The following DPP10 variants were observed in gnomAD, a reference collection of about 807,000 sequenced individuals.
The protein encoded by DPP10 is inactive dipeptidyl peptidase 10.
DPP10 carries 33 observed loss-of-function variants against 120.9 expected under a neutral mutation model. The observed-to-expected ratio is 0.27, with a 90% confidence interval of 0.21 to 0.37. The LOEUF is 0.37. Ranked by LOEUF, DPP10 falls within the 10% of genes least tolerant of loss-of-function variation. The probability of loss-of-function intolerance (pLI) is 1.00; values close to 1 mark genes in which losing one functional copy is unlikely to be tolerated. For missense variants in DPP10, 816 were observed against 942.8 expected (o/e 0.87, Z 1.76); for synonymous variants, 337 against 326.1 (o/e 1.03, Z -0.36).
chr2:114,459,753 T>G (rs1321693419), intron 1 of DPP10, among the ~76,000 whole-genome samples: 1 of 152,218 alleles, frequency 6.6e-6, no homozygotes, highest in Non-Finnish European at 1.5e-5. Flanking sequence ...TCAATAGTTG[T>G]TTTTTATTTT....
intron 1 of DPP10, among the ~76,000 whole-genome samples, chr2:114,576,562 A>C (rs1160155502): frequency 6.6e-6 from 1 of 152,128 alleles, no homozygotes; most frequent in Non-Finnish European, 1.5e-5. Context: ...GGGACAAGGG[A>C]CTTTGAGTAA....
rs537841512 is a variant in DPP10 at position 115,300,161 on chromosome 2, G to A, written c.61-9078G>A. 1.6e-3 allele frequency among the ~76,000 whole-genome samples: 241 copies of A among 152,084 alleles called. 1 individual carries two copies. The highest frequency in any genetic ancestry group is 2.4e-3 in the Admixed American group (37 of 15,240). On this transcript the variant is annotated intron_variant, in intron 1 of 25. Transcript: ENST00000410059. ...TGCTGTGCAACCATCACCACCAGCC[G>A]TCTCTAGAACTTTTTTCATCTTATC...
intron 3 of DPP10, chr2:115,468,678 A>G (rs1376854374): frequency 8.4e-6 from 3 of 355,388 alleles, no homozygotes; most frequent in Admixed American, 3.5e-5. Context: ...TGAAGGATTA[A>G]AAAGGAAGAG....
chr2:115,082,592 GAGT>G (rs1471853246), intron 1 of DPP10, among the ~76,000 whole-genome samples: 1 of 152,170 alleles, frequency 6.6e-6, no homozygotes, highest in Non-Finnish European at 1.5e-5. Context: ...GATATAATCT[GAGT>G]AGTCTCAAGA....
chr2:114,526,326 T>C (rs914858038), intron 1 of DPP10, among the ~76,000 whole-genome samples: 9 of 152,174 alleles, frequency 5.9e-5, no homozygotes, highest in South Asian at 2.1e-4. Flanking sequence ...TTATTGACGA[T>C]TGGGGGATAA....
intron 1 of DPP10, among the ~76,000 whole-genome samples, chr2:114,715,751 A>G (rs939433102): frequency 1.4e-4 from 22 of 152,278 alleles, no homozygotes; most frequent in African/African-American, 5.1e-4. Flanking sequence ...ACACATCCAG[A>G]CATCACCTCC....
At chr2:114,625,228 C>T (rs961922931) in intron 1 of DPP10, among the ~76,000 whole-genome samples, 30 of 151,736 alleles carry the variant, frequency 2.0e-4, no homozygotes, top group African/African-American at 6.0e-4. Context: ...GTTGTGTGTC[C>T]GGCAGTTTCA....
chr2:114,632,601 G>A (rs947134990), intron 1 of DPP10, among the ~76,000 whole-genome samples: 5 of 141,616 alleles, frequency 3.5e-5, no homozygotes, highest in South Asian at 4.6e-4. Context: ...CAAGCTCTGC[G>A]TCCTGGGTTC....
At chr2:114,507,176 T>G (rs968103187) in intron 1 of DPP10, among the ~76,000 whole-genome samples, 2 of 151,578 alleles carry the variant, frequency 1.3e-5, no homozygotes, top group African/African-American at 2.4e-5. Flanking sequence ...GCCTCTCGAA[T>G]AGCTGAGACT....
At chr2:114,827,948 C>A (rs780979782) in intron 1 of DPP10, among the ~76,000 whole-genome samples, 13 of 152,150 alleles carry the variant, frequency 8.5e-5, no homozygotes, top group Non-Finnish European at 1.6e-4. Flanking sequence ...TAACAGAAAG[C>A]AGATTTTTAT....
chr2:114,731,378 T>G (rs113537746), intron 1 of DPP10, among the ~76,000 whole-genome samples: 8 of 152,144 alleles, frequency 5.3e-5, no homozygotes, highest in South Asian at 2.1e-4. Context: ...TAGTGTCATA[T>G]TTTTCTTTTA....
intron 1 of DPP10, among the ~76,000 whole-genome samples, chr2:115,283,945 T>G (rs183258767): frequency 5.5e-4 from 83 of 152,180 alleles, no homozygotes; most frequent in Non-Finnish European, 1.2e-4. Context: ...TGTAATATGC[T>G]ATACCATCTA....
At chr2:114,898,816 G>C (rs1038689265) in intron 1 of DPP10, among the ~76,000 whole-genome samples, 1 of 152,108 alleles carries the variant, frequency 6.6e-6, no homozygotes, top group Non-Finnish European at 1.5e-5. Context: ...TTCAAGAAAA[G>C]AACAGGGTTT....
chr2:114,847,105 C>T (rs1445758768), intron 1 of DPP10, among the ~76,000 whole-genome samples: 1 of 151,950 alleles, frequency 6.6e-6, no homozygotes, highest in African/African-American at 2.4e-5. Context: ...AACTCCTGGG[C>T]TCAAGGGATC....
chr2:114,741,677 C>A (rs1678078354), intron 1 of DPP10, among the ~76,000 whole-genome samples: 1 of 152,026 alleles, frequency 6.6e-6, no homozygotes, highest in Non-Finnish European at 1.5e-5. Context: ...AGTCTCTAAT[C>A]CAATGTGATT....
At chr2:115,297,588 C>T (rs938042993) in intron 1 of DPP10, among the ~76,000 whole-genome samples, 1 of 151,914 alleles carries the variant, frequency 6.6e-6, no homozygotes, top group African/African-American at 2.4e-5. Context: ...CGTGGTGCAC[C>T]AAGAACTTAG....
chr2:115,182,350 CTG>C (rs1234253100), intron 1 of DPP10, among the ~76,000 whole-genome samples: 1 of 152,206 alleles, frequency 6.6e-6, no homozygotes, highest in African/African-American at 2.4e-5. Flanking sequence ...AATTCTGCCA[CTG>C]TGAAATCCTT....
intron 2 of DPP10, among the ~76,000 whole-genome samples, chr2:115,338,597 A>T: frequency 6.6e-6 from 1 of 152,106 alleles, no homozygotes; most frequent in East Asian, 1.9e-4. Context: ...AGCAGCTGGG[A>T]TTATAGACAT....
chr2:115,647,030 G>T (rs2087324116), intron 5 of DPP10, among the ~76,000 whole-genome samples: 1 of 152,108 alleles, frequency 6.6e-6, no homozygotes, highest in South Asian at 2.1e-4. Flanking sequence ...TCATCACATT[G>T]GGATGAAACA....
Sources: allele counts gnomAD v4.1 joint callset (sites outside exome capture counted in the v4.1 genomes callset), GRCh38; gene constraint gnomAD v4.1.1; transcripts MANE v1.5; gene names NCBI Gene and HGNC (gene_info 2026-07-23, HGNC 2026-07-21).